The following SETMAR variants were observed in gnomAD, a reference collection of about 807,000 sequenced individuals.
The protein encoded by SETMAR is SET and mariner transposase domain methyltransferase.
In SETMAR, 44 loss-of-function variants were observed where a neutral mutation model predicts 58.4. The observed-to-expected ratio is 0.75, with a 90% CI of 0.59 to 0.97. The LOEUF (loss-of-function observed/expected upper bound fraction) is 0.97, where lower values mean the gene tolerates loss of function less well. Ranked by LOEUF, SETMAR falls within the 50% of genes least tolerant of loss-of-function variation. The pLI is 0.00. For synonymous variants in SETMAR, 332 were observed against 307.4 expected (o/e 1.08, Z -0.84); for missense variants, 903 against 840.2 (o/e 1.07, Z -0.92).
Position 4,316,965 on chromosome 3 carries a change from C to T in SETMAR, c.1774C>T (p.Pro592Ser). 1 of 1,549,444 alleles carries T rather than the reference C, an allele frequency of 6.5e-7. No homozygotes were observed. The stretch of plus-strand genomic sequence containing the variant: ...AATTCTTCTCCACGACAATGCCCGA[C>T]CGCATGTTGCACAACCCACACTTCA... ...GPILLHDNAR[P>S]HVAQPTLQKL... Residue 592 changes from proline to serine, a missense_variant, in exon 3 of 3, where the codon CCG becomes TCG. Physicochemically the swap from Pro to Ser is moderately conservative, Grantham distance 74. Transcript: ENST00000358065.
At chr3:4,314,326 C>G (rs1369421778) in intron 2 of SETMAR, 3 of 153,112 alleles carry the variant, frequency 2.0e-5, no homozygotes, top group African/African-American at 7.2e-5. Context: ...CCAAGAAACC[C>G]TTGTGGCTGC....
At chr3:4,311,557 G>A (rs900351819) in intron 1 of SETMAR, among the ~76,000 whole-genome samples, 1 of 152,170 alleles carries the variant, frequency 6.6e-6, no homozygotes, top group Non-Finnish European at 1.5e-5. Flanking sequence ...CCTGGTATCA[G>A]TACTGAAAAA....
At chr3:4,308,397 AATAAG>A (rs71777195) in intron 1 of SETMAR, among the ~76,000 whole-genome samples, 11,902 of 152,282 alleles carry the variant, frequency 0.078, 677 homozygotes, top group South Asian at 0.31. Context: ...CTATGAAATA[AATAAG>A]ATGTTTAGTA....
At chr3:4,310,208 C>T (rs933606941) in intron 1 of SETMAR, among the ~76,000 whole-genome samples, 4 of 152,164 alleles carry the variant, frequency 2.6e-5, no homozygotes, top group Non-Finnish European at 5.9e-5. Flanking sequence ...CGAAGTTTAA[C>T]CGCGTGGCAT....
chr3:4,303,576 G>T (rs1698042351), intron 1 of SETMAR, 50 bp downstream of exon 1: 3 of 1,346,382 alleles, frequency 2.2e-6, no homozygotes, highest in Admixed American at 4.2e-5. Context: ...GCTCCCCCAC[G>T]TGGTCTCCTC....
At chr3:4,304,165 T>A (rs13083823) in intron 1 of SETMAR, 51,479 of 161,984 alleles carry the variant, frequency 0.32, 9,718 homozygotes, top group Non-Finnish European at 0.42. Flanking sequence ...TTTTTGAGAC[T>A]GAGTCTCGCT....
chr3:4,306,340 A>G (rs989031603), intron 1 of SETMAR, among the ~76,000 whole-genome samples: 1 of 152,232 alleles, frequency 6.6e-6, no homozygotes, highest in South Asian at 2.1e-4. Flanking sequence ...ATTAATGTCC[A>G]TAAAATCATG....
At chr3:4,315,698 A>G (rs1452292916) in intron 2 of SETMAR, among the ~76,000 whole-genome samples, 1 of 152,128 alleles carries the variant, frequency 6.6e-6, no homozygotes, top group African/African-American at 2.4e-5. Context: ...ATATACTTCC[A>G]CTTGACTATT....
At chr3:4,316,188 A>T in intron 2 of SETMAR, 24 bp from the exon 3 acceptor site, 1 of 663,684 alleles carries the variant, frequency 1.5e-6, no homozygotes, top group South Asian at 1.7e-5. Flanking sequence ...ATGACATCTT[A>T]CTTGCTGTTT....
At chr3:4,304,369 C>T (rs1386612530) in intron 1 of SETMAR, among the ~76,000 whole-genome samples, 2 of 152,184 alleles carry the variant, frequency 1.3e-5, no homozygotes, top group South Asian at 2.1e-4. Context: ...CTCGAACTCC[C>T]AACCTCAGGT....
chr3:4,312,527 A>T (rs927435867), intron 1 of SETMAR, among the ~76,000 whole-genome samples: 1 of 152,046 alleles, frequency 6.6e-6, no homozygotes, highest in East Asian at 1.9e-4. Context: ...CCTTATACAT[A>T]CCTAAAATAA....
rs780052945 is a variant in SETMAR, at chr3:4,316,842, G to A, written c.1651G>A (p.Gly551Ser). ...GATCCACTACAGCTTTCTGAATCCCGGTGAAACCATTACATCTGAGAAGTA... is the reference window on the plus strand; with the variant it reads ...GATCCACTACAGCTTTCTGAATCCCAGTGAAACCATTACATCTGAGAAGTA... ...GLIHYSFLNP[G>S]ETITSEKYAQ... Residue 551 changes from glycine (G) to serine (S), a missense_variant, in exon 3 of 3, where the codon GGT becomes AGT. Coordinates refer to ENST00000358065, the MANE Select transcript of SETMAR (RefSeq NM_006515.4). 1.9e-5 allele frequency: 29 copies of A among 1,549,976 alleles called. No homozygotes were observed. The highest frequency in any genetic ancestry group is 4.9e-5 in the East Asian group (2 of 40,926).
At chr3:4,310,433 A>T (rs985260269) in intron 1 of SETMAR, among the ~76,000 whole-genome samples, 2 of 152,206 alleles carry the variant, frequency 1.3e-5, no homozygotes, top group African/African-American at 4.8e-5. Flanking sequence ...ATGGAGGAGA[A>T]ATGGAAACAT....
At chr3:4,312,776 G>T in intron 1 of SETMAR, 122 bp from the exon 2 acceptor site, 5 of 1,096,048 alleles carry the variant, frequency 4.6e-6, no homozygotes, top group South Asian at 1.8e-5. Context: ...GCTGTGTTTT[G>T]ACAGTTTTGT....
intron 1 of SETMAR, among the ~76,000 whole-genome samples, chr3:4,305,373 A>T (rs540031523): frequency 1.3e-5 from 2 of 152,288 alleles, no homozygotes; most frequent in East Asian, 3.9e-4. Flanking sequence ...GACGTGAGCC[A>T]CCGCACCCGG....
chr3:4,316,745 A>C lies in SETMAR; in HGVS notation c.1554A>C (p.Pro518=). ...AGTGGTTGGATCAAGAAGAAGCTCC[A>C]AAGCACTTCCCAAAGCCAATCTTGC... ...SAQWLDQEEA[P]KHFPKPILHP... Residue 518 remains proline, a synonymous_variant, in exon 3 of 3, where the codon CCA becomes CCC. Transcript: ENST00000358065. 1.3e-6 allele frequency: 2 copies of C among 1,550,832 alleles called. No homozygotes were observed. Among genetic ancestry groups the C allele is most frequent in the African/African-American group, 1.4e-5 (1 of 73,134 alleles).
chr3:4,303,829 G>A, intron 1 of SETMAR: 2 of 1,359,830 alleles, frequency 1.5e-6, no homozygotes, highest in Non-Finnish European at 1.9e-6. Flanking sequence ...GCATCACGGG[G>A]GGAGTCATTT....
Position 4,317,144 on chromosome 3 carries a change from G to C in SETMAR, c.1953G>C (p.Glu651Asp), listed in dbSNP as rs979843110. ...NQQDAENAFQ[E>D]FVESQSTDFY... is the part of the protein sequence containing the mutation. ...AGGATGCAGAAAATGCTTTCCAAGA[G>C]TTCGTCGAATCCCAAAGCACGGATT... Residue 651 changes from glutamate to aspartate, a missense_variant, in exon 3 of 3, where the codon GAG becomes GAC. Glu to Asp is a conservative substitution (Grantham distance 45, BLOSUM62 2). Coordinates refer to ENST00000358065, the MANE Select transcript of SETMAR (RefSeq NM_006515.4). The C allele has an allele frequency of 9.0e-6, 14 of 1,547,940 alleles. No individual in the cohort carries two copies. Among genetic ancestry groups the C allele is most frequent in the Non-Finnish European group, 1.0e-5 (12 of 1,145,082 alleles).
chr3:4,305,002 TTAATTTTTCTGGTTAA>T (rs938145372), intron 1 of SETMAR, among the ~76,000 whole-genome samples: 1 of 152,150 alleles, frequency 6.6e-6, no homozygotes, highest in African/African-American at 2.4e-5. Context: ...TAGGTAGATT[TTAATTTTTCTGGTTAA>T]CAATTTTTCT....
Sources: gnomAD v4.1 joint callset for allele counts (sites outside exome capture counted in the v4.1 genomes callset) on GRCh38, gnomAD v4.1.1 for gene constraint, MANE v1.5 for transcripts, NCBI Gene and HGNC (gene_info 2026-07-23, HGNC 2026-07-21) for gene names.